Variants in SOS1 observed in about 807,000 individuals in gnomAD.
SOS1 encodes the protein son of sevenless homolog 1.
SOS1 carries 25 observed loss-of-function variants against 157.6 expected under a neutral mutation model. That is an observed-to-expected ratio of 0.16 (90% CI 0.12 to 0.22). SOS1 has a LOEUF of 0.22. Among genes scored for constraint, SOS1 ranks in the 10% least tolerant of loss-of-function variants. SOS1 has a pLI of 1.00. For synonymous variants in SOS1, 528 were observed against 534.0 expected (o/e 0.99, Z 0.16); for missense variants, 1,237 against 1,599.1 (o/e 0.77, Z 3.86).
At chr2:39,030,833 A>T (rs1670135809) in intron 8 of SOS1, among the ~76,000 whole-genome samples, 1 of 152,154 alleles carries the variant, frequency 6.6e-6, no homozygotes, top group Non-Finnish European at 1.5e-5. Flanking sequence ...GTGAGCCCTA[A>T]ATCCACTGAC....
At chr2:38,999,997 G>A (rs1669040483) in intron 17 of SOS1, among the ~76,000 whole-genome samples, 1 of 152,194 alleles carries the variant, frequency 6.6e-6, no homozygotes, top group Non-Finnish European at 1.5e-5. Flanking sequence ...TAGTCCTGGT[G>A]AGATGATGAG....
intron 15 of SOS1, among the ~76,000 whole-genome samples, chr2:39,007,674 G>A (rs921512340): frequency 2.0e-5 from 3 of 152,004 alleles, no homozygotes; most frequent in African/African-American, 7.2e-5. Context: ...ACATTTCTAC[G>A]AACAGCATTA....
intron 1 of SOS1, among the ~76,000 whole-genome samples, chr2:39,071,816 T>G (rs1671803244): frequency 6.6e-6 from 1 of 152,204 alleles, no homozygotes; most frequent in Admixed American, 6.5e-5. Flanking sequence ...TCTGAACTAT[T>G]CGCAGTTTGC....
At chr2:39,018,288 T>C (rs899473260) in intron 10 of SOS1, among the ~76,000 whole-genome samples, 1 of 151,906 alleles carries the variant, frequency 6.6e-6, no homozygotes, top group African/African-American at 2.4e-5. Context: ...AATTTCAATA[T>C]GGTCAACAAC....
At chr2:39,047,329 A>G (rs753219803) in intron 6 of SOS1, among the ~76,000 whole-genome samples, 9 of 152,202 alleles carry the variant, frequency 5.9e-5, no homozygotes, top group Non-Finnish European at 1.3e-4. Flanking sequence ...ACATTCTTCA[A>G]TATGTCTTTC....
chr2:39,060,450 A>G lies in SOS1; in HGVS notation c.214-1646T>C, dbSNP rs189340445. On this transcript the variant is annotated intron_variant, in intron 2 of 22. Transcript: ENST00000402219. ...TTTGTATATTTATTTATTCTGAGACAGAGTCTTGCTCTGTTGCGCAGGCTG... is the reference window on the plus strand; with the variant it reads ...TTTGTATATTTATTTATTCTGAGACGGAGTCTTGCTCTGTTGCGCAGGCTG... 2.5e-3 allele frequency among the ~76,000 whole-genome samples: 380 copies of G among 152,326 alleles called. 2 individuals are homozygous for G. The highest frequency in any genetic ancestry group is 3.9e-3 in the Non-Finnish European group (266 of 68,014).
chr2:39,094,596 T>C (rs1572888201), intron 1 of SOS1, among the ~76,000 whole-genome samples: 1 of 152,110 alleles, frequency 6.6e-6, no homozygotes, highest in African/African-American at 2.4e-5. Flanking sequence ...CAGGCTGCAG[T>C]GAGCCGAGAC....
At chr2:39,026,764 C>T (rs1181760757) in intron 8 of SOS1, among the ~76,000 whole-genome samples, 2 of 152,216 alleles carry the variant, frequency 1.3e-5, no homozygotes, top group East Asian at 3.9e-4. Context: ...AGCTATATAC[C>T]AGGGGTATCC....
intron 20 of SOS1, chr2:38,992,294 C>G (rs988829679): frequency 2.6e-5 from 4 of 152,174 alleles, no homozygotes; most frequent in Non-Finnish European, 4.4e-5. Context: ...TTATATTACA[C>G]TGGTTTATTT....
chr2:39,059,577 C>A (rs1296769033), intron 2 of SOS1, among the ~76,000 whole-genome samples: 1 of 152,100 alleles, frequency 6.6e-6, no homozygotes, highest in Non-Finnish European at 1.5e-5. Flanking sequence ...AACTTTTACA[C>A]ATGTGTTTTG....
rs946186712 is a variant in SOS1, at chr2:39,120,539, C to G, written c.-117G>C. 1 of 1,084,630 alleles carries G rather than the reference C, an allele frequency of 9.2e-7. No individual in the cohort carries two copies. The highest frequency in any genetic ancestry group is 1.1e-6 in the Non-Finnish European group (1 of 893,872). The allele number at this position is 1,084,630 out of a possible 1,614,324, so 67.2% of individuals were successfully genotyped here. On this transcript the variant is annotated 5_prime_UTR_variant, in exon 1 of 23. Transcript: ENST00000402219. The stretch of plus-strand genomic sequence containing the variant: ...CCGCGGCCCCACCGGACGGCCCGGC[C>G]CCCTCCGGGCGCCGCGCAGCCGGGC...
chr2:39,009,037 A>G (rs1014831771), intron 15 of SOS1, among the ~76,000 whole-genome samples: 1 of 152,180 alleles, frequency 6.6e-6, no homozygotes, highest in Non-Finnish European at 1.5e-5. Context: ...AACAGTAACA[A>G]AAAAGATTTC....
At chr2:39,111,627 C>G (rs546521439) in intron 1 of SOS1, among the ~76,000 whole-genome samples, 2 of 152,274 alleles carry the variant, frequency 1.3e-5, no homozygotes, top group South Asian at 2.1e-4. Context: ...ACAGTACACT[C>G]CATAATCTCT....
chr2:39,084,886 GTC>G (rs1408598459), intron 1 of SOS1, among the ~76,000 whole-genome samples: 2 of 152,158 alleles, frequency 1.3e-5, no homozygotes, highest in Non-Finnish European at 2.9e-5. Flanking sequence ...CAAGAAAAGA[GTC>G]TCTGATGATT....
chr2:38,992,158 G>C (rs1403637389), intron 20 of SOS1: 4 of 152,292 alleles, frequency 2.6e-5, no homozygotes, highest in African/African-American at 9.6e-5. Context: ...GAGGCTCTGG[G>C]TGATCCTCTG....
intron 1 of SOS1, among the ~76,000 whole-genome samples, chr2:39,090,956 C>T (rs187142993): frequency 6.6e-6 from 1 of 152,096 alleles, no homozygotes; most frequent in South Asian, 2.1e-4. Flanking sequence ...GCAACCTCAA[C>T]CTCCTGGGTT....
upstream of SOS1, among the ~76,000 whole-genome samples, chr2:39,121,698 T>C (rs1252669752): frequency 6.6e-6 from 1 of 152,204 alleles, no homozygotes; most frequent in Non-Finnish European, 1.5e-5. Context: ...CTATTGTGTT[T>C]TGTTATCTTT....
At chr2:39,069,546 T>C (rs932145130) in intron 1 of SOS1, among the ~76,000 whole-genome samples, 5 of 151,902 alleles carry the variant, frequency 3.3e-5, no homozygotes, top group Non-Finnish European at 5.9e-5. Flanking sequence ...AAACAAAACT[T>C]ATTCATTTTT....
chr2:39,017,757 A>G (rs1483634057), intron 10 of SOS1, among the ~76,000 whole-genome samples: 1 of 152,046 alleles, frequency 6.6e-6, no homozygotes, highest in Non-Finnish European at 1.5e-5. Context: ...AATGAAAAAC[A>G]TACTAAGACG....
Sources: allele counts gnomAD v4.1 joint callset (sites outside exome capture counted in the v4.1 genomes callset), GRCh38; gene constraint gnomAD v4.1.1; transcripts MANE v1.5; gene names NCBI Gene and HGNC (gene_info 2026-07-23, HGNC 2026-07-21).